KLHL4: variants seen among roughly 807,000 people sequenced by gnomAD.
KLHL4 encodes the protein kelch like family member 4, also known as kelch-like protein 4.
In KLHL4, 17 loss-of-function variants were observed where a neutral mutation model predicts 45.8. The ratio of observed to expected loss-of-function variants is 0.37; its 90% CI spans 0.25 to 0.56. The LOEUF (loss-of-function observed/expected upper bound fraction) is 0.56, where lower values mean the gene tolerates loss of function less well. KLHL4 is among the 20% of genes least tolerant of loss of function. The probability of loss-of-function intolerance (pLI) is 0.79; values close to 1 mark genes in which losing one functional copy is unlikely to be tolerated. For synonymous variants in KLHL4, 224 were observed against 189.9 expected (o/e 1.18, Z -1.47); for missense variants, 544 against 544.9 (o/e 1.00, Z 0.02).
chrX:87,541,490 CACA>C (rs1438020191), intron 1 of KLHL4, among the ~76,000 whole-genome samples: 14,328 of 63,280 alleles, frequency 0.23, 1,731 homozygotes, highest in East Asian at 0.53. Flanking sequence ...GACTCCATCT[CACA>C]AAAAAAAAAA....
chrX:87,548,459 T>TA (rs1004092178), intron 1 of KLHL4, among the ~76,000 whole-genome samples: 2 of 111,201 alleles, frequency 1.8e-5, no homozygotes, highest in Admixed American at 9.6e-5. Flanking sequence ...AGTAAGTACA[T>TA]AAAAAAACAC....
chrX:87,626,498 T>C (rs1322135541), intron 6 of KLHL4, among the ~76,000 whole-genome samples: 3 of 110,678 alleles, frequency 2.7e-5, no homozygotes, highest in South Asian at 3.9e-4. Context: ...AGGGATGACA[T>C]TGAGTTCTGT....
At chrX:87,536,888 C>A (rs6617404) in intron 1 of KLHL4, among the ~76,000 whole-genome samples, 28,960 of 110,669 alleles carry the variant, frequency 0.26, 3,066 homozygotes, top group East Asian at 0.52. Context: ...TTGATTAAAT[C>A]ATTCTTAAAT....
intron 1 of KLHL4, among the ~76,000 whole-genome samples, chrX:87,565,927 C>T (rs1932201663): frequency 9.2e-6 from 1 of 108,798 alleles, no homozygotes; most frequent in Admixed American, 9.9e-5. Flanking sequence ...AAAAAACTCC[C>T]AACTGAGGGG....
chrX:87,593,254 T>G (rs1332449851), intron 1 of KLHL4, among the ~76,000 whole-genome samples: 3 of 111,328 alleles, frequency 2.7e-5, no homozygotes, highest in African/African-American at 9.8e-5. Flanking sequence ...GTCTAGTGAA[T>G]ATTTCTTCTA....
chrX:87,628,962 G>C (rs184572412), intron 6 of KLHL4, among the ~76,000 whole-genome samples: 3 of 111,892 alleles, frequency 2.7e-5, no homozygotes, highest in African/African-American at 9.7e-5. Flanking sequence ...TGTCTTGTAC[G>C]TACATAATAT....
chrX:87,533,835 C>T (rs183765309), intron 1 of KLHL4, among the ~76,000 whole-genome samples: 1,147 of 111,159 alleles, frequency 0.01, 13 homozygotes, highest in African/African-American at 0.035. Flanking sequence ...CAGTAAAAAC[C>T]TTCTATGAGG....
intron 1 of KLHL4, among the ~76,000 whole-genome samples, chrX:87,559,218 C>T (rs1163510972): frequency 9.0e-6 from 1 of 111,539 alleles, no homozygotes; most frequent in Admixed American, 9.5e-5. Flanking sequence ...TTATTTTAAC[C>T]ATATAAAAAT....
chrX:87,536,562 TAAAAG>T (rs1339317942), intron 1 of KLHL4, among the ~76,000 whole-genome samples: 4 of 97,733 alleles, frequency 4.1e-5, no homozygotes, highest in Non-Finnish European at 4.1e-5. Flanking sequence ...TTTAGGTCAT[TAAAAG>T]AGAAGAGAAT....
intron 1 of KLHL4, among the ~76,000 whole-genome samples, chrX:87,525,497 A>C (rs1437985317): frequency 1.8e-5 from 2 of 111,380 alleles, no homozygotes; most frequent in East Asian, 2.8e-4. Context: ...TAATCATTTC[A>C]CCATGAAGAA....
chrX:87,570,475 A>G (rs1932313819), intron 1 of KLHL4, among the ~76,000 whole-genome samples: 1 of 110,684 alleles, frequency 9.0e-6, no homozygotes, highest in Non-Finnish European at 1.9e-5. Context: ...TGACCGTATC[A>G]TTTATCTTCC....
chrX:87,660,771 G>A (rs948733289), intron 9 of KLHL4, among the ~76,000 whole-genome samples: 1 of 112,677 alleles, frequency 8.9e-6, no homozygotes, highest in Non-Finnish European at 1.9e-5. Flanking sequence ...TTGAGCTTGG[G>A]AGGCGGAGAT....
chrX:87,538,957 TA>T (rs1363302134), intron 1 of KLHL4, among the ~76,000 whole-genome samples: 1 of 111,542 alleles, frequency 9.0e-6, no homozygotes, highest in Non-Finnish European at 1.9e-5. Flanking sequence ...AATATTAAGT[TA>T]AAAAATATAA....
intron 1 of KLHL4, among the ~76,000 whole-genome samples, chrX:87,596,795 A>T (rs997111664): frequency 1.8e-5 from 2 of 112,420 alleles, no homozygotes; most frequent in African/African-American, 6.5e-5. Context: ...ATTTGAACAC[A>T]AACAGTCTCT....
intron 1 of KLHL4, among the ~76,000 whole-genome samples, chrX:87,533,705 A>G (rs1031966238): frequency 2.7e-5 from 3 of 110,655 alleles, no homozygotes; most frequent in African/African-American, 9.9e-5. Context: ...AAAGTATAAT[A>G]ATAATAAAAT....
intron 9 of KLHL4, among the ~76,000 whole-genome samples, chrX:87,642,201 G>A (rs746671855): frequency 7.2e-5 from 8 of 111,006 alleles, no homozygotes; most frequent in African/African-American, 2.3e-4. Flanking sequence ...CGCATAGATG[G>A]TTCACATCCC....
intron 1 of KLHL4, among the ~76,000 whole-genome samples, chrX:87,588,680 T>G (rs1175212042): frequency 9.0e-6 from 1 of 110,920 alleles, no homozygotes; most frequent in Non-Finnish European, 1.9e-5. Context: ...TCTAAGACCT[T>G]AAACTATGAA....
intron 1 of KLHL4, among the ~76,000 whole-genome samples, chrX:87,576,330 GA>G (rs961070801): frequency 1.8e-5 from 2 of 110,745 alleles, no homozygotes; most frequent in South Asian, 3.7e-4. Context: ...TAAAACATAA[GA>G]AAAAAAACTT....
chrX:87,659,046 A>C lies in KLHL4; in HGVS notation c.1926-5718A>C, dbSNP rs370244827. On this transcript the variant is annotated intron_variant, in intron 9 of 10. Coordinates refer to ENST00000373119, the MANE Select transcript of KLHL4 (RefSeq NM_019117.5). Reference sequence around the variant, plus strand: ...CTTCTGAGATTTTTGAAATGCATATATTTGTCCACTGGATGGTAGCCCATA... The same window carrying C: ...CTTCTGAGATTTTTGAAATGCATATCTTTGTCCACTGGATGGTAGCCCATA... Among the ~76,000 whole-genome samples, 21 of 97,083 alleles carry C rather than the reference A, an allele frequency of 2.2e-4. No homozygotes were observed. In the East Asian group the frequency reaches 5.8e-3, roughly 27 times the overall value. The allele number at this position is 97,083 out of a possible 115,157, so 84.3% of individuals were successfully genotyped here.
Sources: allele counts gnomAD v4.1 joint callset (sites outside exome capture counted in the v4.1 genomes callset), GRCh38; gene constraint gnomAD v4.1.1; transcripts MANE v1.5; gene names NCBI Gene and HGNC (gene_info 2026-07-23, HGNC 2026-07-21).